EXOC6B: variants seen among roughly 807,000 people sequenced by gnomAD.
EXOC6B encodes the protein SEC15 homolog B.
A neutral mutation model predicts 113.5 loss-of-function variants in EXOC6B; 54 were observed. That is an observed-to-expected ratio of 0.48 (90% CI 0.38 to 0.60). The LOEUF is 0.60. EXOC6B is among the 20% of genes least tolerant of loss of function. The pLI is 0.00. For synonymous variants in EXOC6B, 357 were observed against 339.0 expected (o/e 1.05, Z -0.58); for missense variants, 797 against 977.5 (o/e 0.82, Z 2.46).
chr2:72,717,485 C>T (rs558587479), intron 6 of EXOC6B, among the ~76,000 whole-genome samples: 1 of 152,208 alleles, frequency 6.6e-6, no homozygotes, highest in South Asian at 2.1e-4. Context: ...CATTATAAAA[C>T]ATTACTGACC....
At chr2:72,283,388 C>T (rs2104679612) in intron 20 of EXOC6B, among the ~76,000 whole-genome samples, 1 of 152,254 alleles carries the variant, frequency 6.6e-6, no homozygotes, top group East Asian at 1.9e-4. Flanking sequence ...GGGTAAACTG[C>T]TGCCTCTCAA....
At chr2:72,542,396 A>G (rs550921867) in intron 8 of EXOC6B, among the ~76,000 whole-genome samples, 1 of 152,320 alleles carries the variant, frequency 6.6e-6, no homozygotes, top group South Asian at 2.1e-4. Flanking sequence ...TTTCACCTCC[A>G]GATTGCTGGT....
intron 20 of EXOC6B, among the ~76,000 whole-genome samples, chr2:72,198,083 T>A (rs1283622401): frequency 2.6e-5 from 4 of 152,184 alleles, no homozygotes; most frequent in African/African-American, 9.7e-5. Context: ...ATTAGGGTCA[T>A]TACCAGTCCT....
At chr2:72,408,993 C>T (rs1693982795) in intron 18 of EXOC6B, among the ~76,000 whole-genome samples, 2 of 152,114 alleles carry the variant, frequency 1.3e-5, no homozygotes, top group South Asian at 4.1e-4. Context: ...TATTCAGAAT[C>T]TACAATGAAC....
intron 6 of EXOC6B, among the ~76,000 whole-genome samples, chr2:72,609,542 AAAC>A (rs146172364): frequency 0.015 from 2,327 of 151,976 alleles, 81 homozygotes; most frequent in African/African-American, 0.054. Flanking sequence ...AAAGTAGACT[AAAC>A]AAACCAGAAG....
chr2:72,312,207 A>C (rs1687227326), intron 20 of EXOC6B, among the ~76,000 whole-genome samples: 1 of 152,202 alleles, frequency 6.6e-6, no homozygotes, highest in Non-Finnish European at 1.5e-5. Context: ...GAAAGCTTGC[A>C]ACATCTAGAT....
chr2:72,505,328 T>G (rs1427094774), intron 11 of EXOC6B, among the ~76,000 whole-genome samples: 1 of 152,170 alleles, frequency 6.6e-6, no homozygotes, highest in Non-Finnish European at 1.5e-5. Flanking sequence ...CTGTCTTCTA[T>G]CCAATGACCT....
At chr2:72,212,026 A>G (rs996188258) in intron 20 of EXOC6B, among the ~76,000 whole-genome samples, 4 of 146,642 alleles carry the variant, frequency 2.7e-5, no homozygotes, top group South Asian at 2.2e-4. Flanking sequence ...GCCGAAGTGG[A>G]AAAAAAAAAA....
chr2:72,549,023 A>C (rs1573371274), intron 8 of EXOC6B, among the ~76,000 whole-genome samples: 1 of 152,130 alleles, frequency 6.6e-6, no homozygotes, highest in Admixed American at 6.5e-5. Flanking sequence ...AAAAATAAAA[A>C]TAAAAAAATT....
chr2:72,651,099 C>T (rs1354541349), intron 6 of EXOC6B, among the ~76,000 whole-genome samples: 3 of 152,134 alleles, frequency 2.0e-5, no homozygotes, highest in Admixed American at 6.5e-5. Flanking sequence ...CTAATCTGAG[C>T]GTTCACTATG....
intron 5 of EXOC6B, among the ~76,000 whole-genome samples, chr2:72,724,345 G>C (rs1680179399): frequency 6.6e-6 from 1 of 152,126 alleles, no homozygotes; most frequent in Admixed American, 6.5e-5. Context: ...GTAGATTATA[G>C]ACGGATCAAG....
At chr2:72,350,156 G>A (rs1455552957) in intron 19 of EXOC6B, among the ~76,000 whole-genome samples, 1 of 152,030 alleles carries the variant, frequency 6.6e-6, no homozygotes, top group African/African-American at 2.4e-5. Flanking sequence ...TATCTACATG[G>A]CCACTTCTTC....
chr2:72,324,571 AT>A (rs1688023286), intron 20 of EXOC6B, among the ~76,000 whole-genome samples: 1 of 152,162 alleles, frequency 6.6e-6, no homozygotes, highest in Non-Finnish European at 1.5e-5. Flanking sequence ...AAGCAACATA[AT>A]TATATTGTCT....
chr2:72,331,804 T>C (rs1046607850), intron 20 of EXOC6B, among the ~76,000 whole-genome samples: 1 of 152,144 alleles, frequency 6.6e-6, no homozygotes, highest in African/African-American at 2.4e-5. Context: ...AGCTTGTATA[T>C]TCAAAATGTC....
chr2:72,382,536 C>T (rs1381920025), intron 18 of EXOC6B, among the ~76,000 whole-genome samples: 1 of 152,046 alleles, frequency 6.6e-6, no homozygotes, highest in African/African-American at 2.4e-5. Flanking sequence ...GTTCTATATA[C>T]ATTTTTAAAT....
intron 6 of EXOC6B, among the ~76,000 whole-genome samples, chr2:72,681,354 T>C (rs764680160): frequency 1.3e-5 from 2 of 152,190 alleles, no homozygotes; most frequent in Non-Finnish European, 2.9e-5. Flanking sequence ...AAACTCTATA[T>C]GCATGCCTCC....
At chr2:72,495,015 A>AT (rs1299385724) in intron 15 of EXOC6B, among the ~76,000 whole-genome samples, 2 of 152,032 alleles carry the variant, frequency 1.3e-5, no homozygotes, top group South Asian at 2.1e-4. Flanking sequence ...CAAAATCAGT[A>AT]TTTTTTGTCT....
chr2:72,732,288 A>T (rs6738015), intron 3 of EXOC6B, among the ~76,000 whole-genome samples: 7,390 of 151,942 alleles, frequency 0.049, 579 homozygotes, highest in African/African-American at 0.17. Context: ...AGCTGGGACT[A>T]TAGACATGCA....
intron 19 of EXOC6B, among the ~76,000 whole-genome samples, chr2:72,338,910 C>CACAT (rs1688855544): frequency 7.0e-6 from 1 of 142,434 alleles, no homozygotes; most frequent in Admixed American, 7.1e-5. Context: ...TGGAAGAACA[C>CACAT]ACACATACAC....
Sources: gnomAD v4.1 joint callset for allele counts (sites outside exome capture counted in the v4.1 genomes callset) on GRCh38, gnomAD v4.1.1 for gene constraint, MANE v1.5 for transcripts, NCBI Gene and HGNC (gene_info 2026-07-23, HGNC 2026-07-21) for gene names.